CNBD1: variants seen among roughly 807,000 people sequenced by gnomAD.
CNBD1 encodes the protein cyclic nucleotide binding domain containing 1.
A neutral mutation model predicts 54.4 loss-of-function variants in CNBD1; 71 were observed. The observed-to-expected ratio is 1.30, with a 90% CI of 1.08 to 1.59. The LOEUF is 1.59. Ranked by LOEUF, CNBD1 falls within the 40% of genes most tolerant of loss-of-function variation. The pLI, the probability that CNBD1 is intolerant of heterozygous loss-of-function variation, is 0.00. For missense variants in CNBD1, 659 were observed against 518.0 expected, an observed-to-expected ratio of 1.27 and a Z score of -2.64; for synonymous variants, 182 against 170.7, an observed-to-expected ratio of 1.07 and a Z score of -0.51.
At chr8:86,963,828 G>A (rs992671579) in intron 4 of CNBD1, among the ~76,000 whole-genome samples, 1 of 152,178 alleles carries the variant, frequency 6.6e-6, no homozygotes, top group Non-Finnish European at 1.5e-5. Flanking sequence ...AACCACCAGA[G>A]TCAACGAAAG....
intron 5 of CNBD1, among the ~76,000 whole-genome samples, chr8:87,214,921 A>C (rs1336356067): frequency 6.6e-6 from 1 of 152,178 alleles, no homozygotes; most frequent in African/African-American, 2.4e-5. Context: ...GCTACAATTC[A>C]AGATGAGATT....
chr8:87,384,694 C>G (rs1004431476), downstream of CNBD1, among the ~76,000 whole-genome samples: 3 of 152,078 alleles, frequency 2.0e-5, no homozygotes, highest in African/African-American at 4.8e-5. Flanking sequence ...TAAGGACTAT[C>G]AAATGGGCAT....
chr8:86,953,441 A>C (rs1807676842), intron 4 of CNBD1, among the ~76,000 whole-genome samples: 1 of 152,242 alleles, frequency 6.6e-6, no homozygotes, highest in Non-Finnish European at 1.5e-5. Context: ...ATGACCTAAC[A>C]CAATAACCCT....
intron 4 of CNBD1, among the ~76,000 whole-genome samples, chr8:87,111,767 C>A (rs1377738473): frequency 1.3e-5 from 2 of 152,068 alleles, no homozygotes; most frequent in African/African-American, 4.8e-5. Context: ...TCCATGGATC[C>A]CTGTGGGTTA....
At chr8:87,249,303 G>A (rs1358985307) in intron 6 of CNBD1, among the ~76,000 whole-genome samples, 1 of 152,084 alleles carries the variant, frequency 6.6e-6, no homozygotes, top group Non-Finnish European at 1.5e-5. Context: ...ACCTCAGGAG[G>A]TAATACAAGT....
At chr8:86,942,308 A>G (rs370013085) in intron 4 of CNBD1, among the ~76,000 whole-genome samples, 1 of 152,172 alleles carries the variant, frequency 6.6e-6, no homozygotes, top group East Asian at 1.9e-4. Flanking sequence ...ATTAATTAAC[A>G]TAAACTTAGT....
intron 5 of CNBD1, among the ~76,000 whole-genome samples, chr8:87,206,498 A>G (rs1486547168): frequency 1.3e-5 from 2 of 152,150 alleles, no homozygotes; most frequent in Non-Finnish European, 2.9e-5. Flanking sequence ...CCACCAGTGC[A>G]GGGACCACAC....
chr8:87,232,579 A>G (rs1452730697), intron 5 of CNBD1, among the ~76,000 whole-genome samples: 2 of 152,118 alleles, frequency 1.3e-5, no homozygotes, highest in African/African-American at 2.4e-5. Context: ...TAATTTTGTA[A>G]AAGCATTTTT....
rs555926886 is a variant in CNBD1 at position 86,981,186 on chromosome 8, C to T, written c.431+41432C>T. On this transcript the variant is annotated intron_variant, in intron 4 of 10. Coordinates refer to ENST00000518476, the MANE Select transcript of CNBD1 (RefSeq NM_173538.3). Reference sequence around the variant, plus strand: ...GTGTGTGTGTCTGTGTGCGTGCGCGCGCGCATTGTGTACTCACACACATTC... The same window carrying T: ...GTGTGTGTGTCTGTGTGCGTGCGCGTGCGCATTGTGTACTCACACACATTC... 2.2e-4 allele frequency among the ~76,000 whole-genome samples: 34 copies of T among 152,254 alleles called. No individual in the cohort carries two copies. In the East Asian group the frequency reaches 2.7e-3, roughly 12 times the overall value.
At chr8:86,913,811 G>A (rs1363279846) in intron 3 of CNBD1, among the ~76,000 whole-genome samples, 1 of 152,156 alleles carries the variant, frequency 6.6e-6, no homozygotes, top group African/African-American at 2.4e-5. Context: ...TAGCAAGCGT[G>A]GGGGTGCTGC....
chr8:87,240,051 A>G (rs1354772398), intron 6 of CNBD1, among the ~76,000 whole-genome samples: 1 of 146,030 alleles, frequency 6.8e-6, no homozygotes, highest in African/African-American at 2.6e-5. Flanking sequence ...TAAATATAGT[A>G]TGGTCTGTGC....
At chr8:87,023,887 A>G (rs1395349689) in intron 4 of CNBD1, among the ~76,000 whole-genome samples, 3 of 152,174 alleles carry the variant, frequency 2.0e-5, no homozygotes, top group Non-Finnish European at 4.4e-5. Context: ...TTAGCTTCAA[A>G]TTATACATTT....
At chr8:87,235,419 C>A (rs1472463471) in intron 5 of CNBD1, among the ~76,000 whole-genome samples, 1 of 152,228 alleles carries the variant, frequency 6.6e-6, no homozygotes, top group African/African-American at 2.4e-5. Context: ...ACACATGACT[C>A]TTCCTTTGAC....
At chr8:87,084,134 C>G (rs1427031237) in intron 4 of CNBD1, among the ~76,000 whole-genome samples, 1 of 152,020 alleles carries the variant, frequency 6.6e-6, no homozygotes, top group Non-Finnish European at 1.5e-5. Context: ...TAATTTATAC[C>G]ACTGTTTTCA....
chr8:87,255,249 G>A (rs1301866676), intron 6 of CNBD1, among the ~76,000 whole-genome samples: 1 of 152,130 alleles, frequency 6.6e-6, no homozygotes, highest in Non-Finnish European at 1.5e-5. Flanking sequence ...TTGGTGTTCA[G>A]GGAAGGGAGT....
At chr8:87,015,000 T>G (rs1809323253) in intron 4 of CNBD1, among the ~76,000 whole-genome samples, 1 of 152,196 alleles carries the variant, frequency 6.6e-6, no homozygotes, top group Admixed American at 6.5e-5. Flanking sequence ...GTGAATGATC[T>G]ATGTAAGTCA....
chr8:87,366,683 A>G (rs1451107528), intron 10 of CNBD1, among the ~76,000 whole-genome samples: 1 of 152,032 alleles, frequency 6.6e-6, no homozygotes, highest in African/African-American at 2.4e-5. Context: ...CTCTGCTACC[A>G]TAGTGCTGGA....
intron 4 of CNBD1, among the ~76,000 whole-genome samples, chr8:87,059,985 G>T (rs1810508237): frequency 6.6e-6 from 1 of 152,208 alleles, no homozygotes; most frequent in Non-Finnish European, 1.5e-5. Context: ...GGCCTTAGAA[G>T]CCTGCCCTAG....
intron 2 of CNBD1, among the ~76,000 whole-genome samples, chr8:86,891,387 C>A (rs1483220287): frequency 6.6e-6 from 1 of 151,918 alleles, no homozygotes; most frequent in Non-Finnish European, 1.5e-5. Context: ...TGTCAAAAAT[C>A]AATTTATTAT....
Sources: allele counts gnomAD v4.1 joint callset (sites outside exome capture counted in the v4.1 genomes callset), GRCh38; gene constraint gnomAD v4.1.1; transcripts MANE v1.5; gene names NCBI Gene and HGNC (gene_info 2026-07-23, HGNC 2026-07-21).